JPH1: variants seen among roughly 807,000 people sequenced by gnomAD.
JPH1 encodes junctophilin-1.
In JPH1, 12 loss-of-function variants were observed where a neutral mutation model predicts 53.6. The ratio of observed to expected loss-of-function variants is 0.22; its 90% CI spans 0.14 to 0.36. The LOEUF (loss-of-function observed/expected upper bound fraction) is 0.36, where lower values mean the gene tolerates loss of function less well. Ranked by LOEUF, JPH1 falls within the 10% of genes least tolerant of loss-of-function variation. The pLI is 1.00. For synonymous variants in JPH1, 375 were observed against 363.8 expected, an observed-to-expected ratio of 1.03 and a Z score of -0.35; for missense variants, 808 against 905.5, an observed-to-expected ratio of 0.89 and a Z score of 1.38.
intron 3 of JPH1, among the ~76,000 whole-genome samples, chr8:74,245,392 A>G (rs1056527315): frequency 6.6e-6 from 1 of 152,204 alleles, no homozygotes; most frequent in Non-Finnish European, 1.5e-5. Flanking sequence ...TGATAATTGC[A>G]TTCTTTCTGC....
chr8:74,303,929 C>T (rs1346709227), intron 2 of JPH1, among the ~76,000 whole-genome samples: 1 of 151,938 alleles, frequency 6.6e-6, no homozygotes, highest in Non-Finnish European at 1.5e-5. Flanking sequence ...AGAGACCCTC[C>T]TCATCTCTCA....
chr8:74,321,364 G>A lies in JPH1; in HGVS notation c.-77C>T, dbSNP rs948028174. The A allele has an allele frequency of 1.2e-5, 16 of 1,361,086 alleles. No homozygotes were observed. The African/African-American group carries it at 1.5e-4, about 13-fold the overall frequency. 84.3% of individuals were successfully genotyped at this position (1,361,086 alleles called of 1,614,324 possible). ...CTGGGCACGGCAGGGTGTAGCTCGGGGGTGGGGGCCCGGCGGGCGAGCTCA... is the reference window on the plus strand; with the variant it reads ...CTGGGCACGGCAGGGTGTAGCTCGGAGGTGGGGGCCCGGCGGGCGAGCTCA... On this transcript the variant is annotated 5_prime_UTR_variant, in exon 1 of 6. Coordinates refer to ENST00000342232, the MANE Select transcript of JPH1 (RefSeq NM_020647.4). This position sits in a 1 kb window ranked among gnomAD's most constrained non-coding sequence, Gnocchi z 4.3.
intron 2 of JPH1, among the ~76,000 whole-genome samples, chr8:74,263,867 C>T (rs1013449044): frequency 1.3e-5 from 2 of 152,096 alleles, no homozygotes; most frequent in African/African-American, 4.8e-5. Context: ...TCATGAGAGA[C>T]CTAAATTTGA....
At chr8:74,247,277 G>C (rs962457864) in intron 3 of JPH1, among the ~76,000 whole-genome samples, 2 of 152,016 alleles carry the variant, frequency 1.3e-5, no homozygotes, top group Admixed American at 1.3e-4. Context: ...ACTATGGTTG[G>C]TTTTATTTGT....
At chr8:74,238,814 A>C (rs1363712534) in intron 4 of JPH1, among the ~76,000 whole-genome samples, 2 of 152,072 alleles carry the variant, frequency 1.3e-5, no homozygotes, top group Admixed American at 6.5e-5. Flanking sequence ...CGTGCTATCA[A>C]ACCTGGTTAA....
chr8:74,289,314 G>A (rs11783718), intron 2 of JPH1, among the ~76,000 whole-genome samples: 1 of 152,182 alleles, frequency 6.6e-6, no homozygotes, highest in Admixed American at 6.5e-5. Flanking sequence ...GACACCACTA[G>A]CTACAGCATG....
At position 74,234,902 on chromosome 8, in the gene JPH1, T is replaced by TA. The variant is rs1264864636; in HGVS notation, c.*2148dup. On this transcript the variant is annotated 3_prime_UTR_variant, in exon 6 of 6. Transcript: ENST00000342232. Reference sequence around the variant, plus strand: ...GTGCTGTCCAAAATGTTGAGTACAGTATAACAACCCATTAGAAAGAGCCTT... The same window carrying TA: ...GTGCTGTCCAAAATGTTGAGTACAGTAATAACAACCCATTAGAAAGAGCCTT... 1.3e-5 allele frequency: 2 copies of TA among 152,620 alleles called. No homozygotes were observed. Among genetic ancestry groups the TA allele is most frequent in the Non-Finnish European group, 2.9e-5 (2 of 68,040 alleles). 9.5% of individuals were successfully genotyped at this position (152,620 alleles called of 1,614,324 possible). A position where few individuals can be genotyped will look rare whatever the true frequency, so the allele number is the denominator to read the frequency against.
intron 2 of JPH1, among the ~76,000 whole-genome samples, chr8:74,277,724 A>G (rs1806888804): frequency 6.6e-6 from 1 of 152,242 alleles, no homozygotes; most frequent in South Asian, 2.1e-4. Context: ...CGAGGCTCAC[A>G]GATGTATACA....
At chr8:74,290,360 T>C (rs1807288238) in intron 2 of JPH1, among the ~76,000 whole-genome samples, 1 of 152,174 alleles carries the variant, frequency 6.6e-6, no homozygotes, top group Non-Finnish European at 1.5e-5. Context: ...AGCCAAATCA[T>C]GAGTGAACTC....
chr8:74,259,368 A>G lies in JPH1; in HGVS notation c.1258+17T>C. On this transcript the variant is annotated intron_variant, in intron 3 of 5. Transcript: ENST00000342232. ...GCCAGTGCTCCTGCCTCACCCATCA[A>G]AGGAGCACTGTTTTACCTGGTTGGT... is the stretch of plus-strand genomic sequence containing the variant. 6.3e-7 allele frequency: 1 copy of G among 1,585,592 alleles called. No individual in the cohort carries two copies. The highest frequency in any genetic ancestry group is 8.7e-7 in the Non-Finnish European group (1 of 1,155,098).
chr8:74,238,944 C>T (rs1190939728), intron 4 of JPH1, among the ~76,000 whole-genome samples: 1 of 152,160 alleles, frequency 6.6e-6, no homozygotes, highest in Admixed American at 6.5e-5. Context: ...AGGCGTGTAC[C>T]ACAGTGCCTG....
At chr8:74,284,727 A>G (rs534018034) in intron 2 of JPH1, among the ~76,000 whole-genome samples, 1 of 150,554 alleles carries the variant, frequency 6.6e-6, no homozygotes, top group Non-Finnish European at 1.5e-5. Flanking sequence ...TAAACAAATT[A>G]TAATATTGTA....
At chr8:74,309,058 A>G (rs1266284968) in intron 2 of JPH1, among the ~76,000 whole-genome samples, 4 of 152,240 alleles carry the variant, frequency 2.6e-5, no homozygotes, top group African/African-American at 9.6e-5. Flanking sequence ...AACAGGGTGC[A>G]GAAGAGACTC....
chr8:74,249,850 A>T (rs1330576252), intron 3 of JPH1, among the ~76,000 whole-genome samples: 1 of 152,180 alleles, frequency 6.6e-6, no homozygotes, highest in Non-Finnish European at 1.5e-5. Flanking sequence ...ACTGGTCCAT[A>T]ATAACCTGTG....
chr8:74,312,210 G>T (rs997549909), intron 2 of JPH1, among the ~76,000 whole-genome samples: 3 of 152,092 alleles, frequency 2.0e-5, no homozygotes, highest in African/African-American at 7.2e-5. Flanking sequence ...TTTATTTATT[G>T]TTGTAAGAAC....
intron 3 of JPH1, among the ~76,000 whole-genome samples, chr8:74,251,279 A>G (rs1270343536): frequency 1.3e-5 from 2 of 152,102 alleles, no homozygotes; most frequent in Admixed American, 6.5e-5. Context: ...TTGGGTGACC[A>G]ATTTTTCTTT....
rs375394946 is a variant in JPH1, at chr8:74,238,977, G to A, written c.1906-1674C>T. ...CTGACCCAAATGTGGGTTGTTAAAC[G>A]AAATGGATTAAATCACTGAATTAAA... On this transcript the variant is annotated intron_variant, in intron 4 of 5. Transcript: ENST00000342232. Among the ~76,000 whole-genome samples the A allele has an allele frequency of 1.7e-4, 26 of 152,236 alleles. 1 individual carries two copies. Among genetic ancestry groups the A allele is most frequent in the African/African-American group, 3.4e-4 (14 of 41,552 alleles).
At chr8:74,297,991 A>G (rs1395140462) in intron 2 of JPH1, among the ~76,000 whole-genome samples, 1 of 152,222 alleles carries the variant, frequency 6.6e-6, no homozygotes, top group African/African-American at 2.4e-5. Flanking sequence ...TTCTTTCCAC[A>G]CACAGGTCAT....
chr8:74,251,284 T>A (rs1327997843), intron 3 of JPH1, among the ~76,000 whole-genome samples: 2 of 152,220 alleles, frequency 1.3e-5, no homozygotes, highest in African/African-American at 4.8e-5. Context: ...TGACCAATTT[T>A]TCTTTAGATG....
Sources: gnomAD v4.1 joint callset for allele counts (sites outside exome capture counted in the v4.1 genomes callset) on GRCh38, gnomAD v4.1.1 for gene constraint, Gnocchi (gnomAD v3.1) non-coding constraint, MANE v1.5 for transcripts, NCBI Gene and HGNC (gene_info 2026-07-23, HGNC 2026-07-21) for gene names.